Variants in ELF4 observed in about 807,000 individuals in gnomAD.
ELF4 encodes the protein E74 like ETS transcription factor 4.
In ELF4, 10 loss-of-function variants were observed where a neutral mutation model predicts 31.7. The ratio of observed to expected loss-of-function variants is 0.32; its 90% CI spans 0.19 to 0.54. The LOEUF is 0.54. Ranked by LOEUF, ELF4 falls within the 20% of genes least tolerant of loss-of-function variation. The pLI, the probability that ELF4 is intolerant of heterozygous loss-of-function variation, is 0.95. For missense variants in ELF4, 418 were observed against 522.0 expected, an observed-to-expected ratio of 0.80 and a Z score of 1.94; for synonymous variants, 208 against 226.7, an observed-to-expected ratio of 0.92 and a Z score of 0.74.
rs751775069 is a variant in ELF4, at chrX:130,065,929, C to T, written c.*792G>A. 1.7e-5 allele frequency: 3 copies of T among 173,629 alleles called. No individual in the cohort carries two copies. Among genetic ancestry groups the T allele is most frequent in the Non-Finnish European group, 3.3e-5 (3 of 91,068 alleles). The allele number at this position is 173,629 out of a possible 1,213,427, so 14.3% of individuals were successfully genotyped here. A position where few individuals can be genotyped will look rare whatever the true frequency, so the allele number is the denominator to read the frequency against. ...CTGTGGTTGCTAACACGGCAAACTC[C>T]AGGAAGAGTACCTTGGTCCAGCCAG... On this transcript the variant is annotated 3_prime_UTR_variant, in exon 9 of 9. Coordinates refer to ENST00000308167, the MANE Select transcript of ELF4 (RefSeq NM_001421.4).
Position 130,069,289 on chromosome X carries a change from G to T in ELF4, c.1187+11C>A. The T allele has an allele frequency of 8.3e-7, 1 of 1,211,781 alleles. No homozygotes were observed. Among genetic ancestry groups the T allele is most frequent in the South Asian group, 1.8e-5 (1 of 57,013 alleles). On this transcript the variant is annotated intron_variant, in intron 8 of 8. Transcript: ENST00000308167. ...CTATGTGAAGACTCATGCTGACCTG[G>T]GTGCCCTTACCTCACAGCTTTGGTG...
intron 2 of ELF4, among the ~76,000 whole-genome samples, chrX:130,079,221 G>A (rs966303110): frequency 5.4e-5 from 6 of 110,800 alleles, no homozygotes; most frequent in Admixed American, 2.9e-4. Context: ...ACTTTGGGAG[G>A]GCGAGGCGGG....
chrX:130,083,969 G>C (rs1932925494), intron 1 of ELF4, among the ~76,000 whole-genome samples: 1 of 111,905 alleles, frequency 8.9e-6, no homozygotes, highest in Non-Finnish European at 1.9e-5. Flanking sequence ...CACGTACTCT[G>C]CCTTACACGA....
chrX:130,109,332 G>T (rs1023461421), intron 1 of ELF4, among the ~76,000 whole-genome samples: 4 of 112,852 alleles, frequency 3.5e-5, no homozygotes, highest in Non-Finnish European at 7.5e-5. Flanking sequence ...CCAAAATCGA[G>T]AAGTCCAAGG....
At position 130,070,847 on chromosome X, in the gene ELF4, A is replaced by G. The variant is rs181527870; in HGVS notation, c.809+193T>C. Reference sequence around the variant, plus strand: ...GAAAAGAAAAAAGGCCAGGTCAGATACAAGAGGAGGGGGGCTCTTCCTGCC... The same window carrying G: ...GAAAAGAAAAAAGGCCAGGTCAGATGCAAGAGGAGGGGGGCTCTTCCTGCC... On this transcript the variant is annotated intron_variant, in intron 7 of 8. Coordinates refer to ENST00000308167, the MANE Select transcript of ELF4 (RefSeq NM_001421.4). Among the ~76,000 whole-genome samples the G allele has an allele frequency of 2.1e-3, 224 of 106,994 alleles. 1 individual carries two copies. Among genetic ancestry groups the G allele is most frequent in the East Asian group, 0.021 (65 of 3,130 alleles). The allele number at this position is 106,994 out of a possible 115,157, so 92.9% of individuals were successfully genotyped here.
At chrX:130,098,409 C>G (rs1240277268) in intron 1 of ELF4, among the ~76,000 whole-genome samples, 1 of 111,385 alleles carries the variant, frequency 9.0e-6, no homozygotes, top group Non-Finnish European at 1.9e-5. Context: ...AAAGGCACTG[C>G]AAGTCCGGGC....
At chrX:130,093,839 C>CA (rs1219192419) in intron 1 of ELF4, among the ~76,000 whole-genome samples, 2 of 111,213 alleles carry the variant, frequency 1.8e-5, no homozygotes, top group Non-Finnish European at 3.8e-5. Flanking sequence ...GATGGGCCTG[C>CA]AAAAAAAATG....
intron 1 of ELF4, among the ~76,000 whole-genome samples, chrX:130,106,894 G>A (rs1016194689): frequency 9.0e-6 from 1 of 111,031 alleles, no homozygotes; most frequent in Admixed American, 9.5e-5. Flanking sequence ...CTATAGGGAT[G>A]TTTGGGGGGT....
At chrX:130,103,402 G>A (rs949846012) in intron 1 of ELF4, among the ~76,000 whole-genome samples, 2 of 112,322 alleles carry the variant, frequency 1.8e-5, no homozygotes, top group Non-Finnish European at 3.8e-5. Flanking sequence ...CAACAAAGAA[G>A]ACATATGGAC....
At chrX:130,100,804 C>A (rs1192290132) in intron 1 of ELF4, among the ~76,000 whole-genome samples, 1 of 112,285 alleles carries the variant, frequency 8.9e-6, no homozygotes, top group African/African-American at 3.2e-5. Context: ...AAGCCCATTT[C>A]ATCTCCTGAC....
Position 130,074,654 on chromosome X carries a change from G to T in ELF4, c.174C>A (p.His58Gln), listed in dbSNP as rs769738165. The change falls in exon 3 of 9, where the codon CAC becomes CAA. Residue 58 changes from histidine (H) to glutamine (Q), a missense_variant. Around this residue, in one of 4 missense-constraint regions of ELF4, gnomAD observed 35 missense variants for 76.4 expected, o/e 0.46. Coordinates refer to ENST00000308167, the MANE Select transcript of ELF4 (RefSeq NM_001421.4). ...AGGTCCCGTCTGTTATGATGCCATTGTGAACGTCGTCCAACTCCAGTCCCG... is the reference window on the plus strand; with the variant it reads ...AGGTCCCGTCTGTTATGATGCCATTTTGAACGTCGTCCAACTCCAGTCCCG... ...LYSGLELDDV[H>Q]NGIITDGTLC... is the part of the protein sequence containing the mutation. The T allele has an allele frequency of 5.0e-6, 6 of 1,209,732 alleles. No individual in the cohort carries two copies. The Admixed American group carries it at 1.3e-4, about 26-fold the overall frequency.
intron 7 of ELF4, among the ~76,000 whole-genome samples, chrX:130,070,601 T>TA (rs61298314): frequency 0.085 from 7,166 of 84,679 alleles, 685 homozygotes; most frequent in African/African-American, 0.27. Context: ...TAAATAAAAA[T>TA]AAAAAAAAAA....
chrX:130,067,255 G>A lies in ELF4; in HGVS notation c.1458C>T (p.Leu486=). 1 of 1,212,260 alleles carries A rather than the reference G, an allele frequency of 8.2e-7. No individual in the cohort carries two copies. Among genetic ancestry groups the A allele is most frequent in the Non-Finnish European group, 1.1e-6 (1 of 895,539 alleles). The change falls in exon 9 of 9, where the codon CTC becomes CTT. Residue 486 remains leucine (L), a synonymous_variant. Transcript: ENST00000308167. ...APGAPLILSG[L]PQLLAGANRP... ...GGTTGGCCCCAGCCAGAAGTTGGGG[G>A]AGGCCACTGAGAATCAGTGGAGCCC...
chrX:130,091,479 G>T (rs2124628270), intron 1 of ELF4, among the ~76,000 whole-genome samples: 1 of 111,517 alleles, frequency 9.0e-6, no homozygotes, highest in African/African-American at 3.3e-5. Flanking sequence ...TCAGAGATGG[G>T]GTCTTGCTAT....
At chrX:130,097,062 C>T (rs1389840272) in intron 1 of ELF4, among the ~76,000 whole-genome samples, 2 of 104,329 alleles carry the variant, frequency 1.9e-5, no homozygotes, top group African/African-American at 7.1e-5. Context: ...TTTGGGAGGC[C>T]GAGGTGGGAA....
chrX:130,067,819 A>T (rs916862762), intron 8 of ELF4, among the ~76,000 whole-genome samples: 4 of 101,572 alleles, frequency 3.9e-5, no homozygotes, highest in Admixed American at 1.1e-4. Flanking sequence ...TTTTTAATTT[A>T]TTTTTTTTTT....
At chrX:130,098,107 CCT>C (rs1933183566) in intron 1 of ELF4, among the ~76,000 whole-genome samples, 1 of 112,393 alleles carries the variant, frequency 8.9e-6, no homozygotes, top group Non-Finnish European at 1.9e-5. Context: ...CTGGAGCCCC[CCT>C]GAGCCATGGG....
chrX:130,107,580 G>A (rs1933399398), intron 1 of ELF4, among the ~76,000 whole-genome samples: 2 of 112,059 alleles, frequency 1.8e-5, no homozygotes, highest in African/African-American at 3.2e-5. Flanking sequence ...ACACAATCCC[G>A]GAAGGCAGGT....
upstream of ELF4, among the ~76,000 whole-genome samples, chrX:130,110,999 G>C (rs1190601095): frequency 1.0e-5 from 1 of 95,721 alleles, no homozygotes; most frequent in Non-Finnish European, 2.1e-5. Flanking sequence ...GGGACTGCGG[G>C]CGGGCGGGGT....
Sources: gnomAD v4.1 joint callset for allele counts (sites outside exome capture counted in the v4.1 genomes callset) on GRCh38, gnomAD v4.1.1 for gene constraint, gnomAD v4.1.1 regional missense constraint, MANE v1.5 for transcripts, NCBI Gene and HGNC (gene_info 2026-07-23, HGNC 2026-07-21) for gene names.